The following CLEC4D variants were observed in gnomAD, a reference collection of about 807,000 sequenced individuals.
CLEC4D encodes C-type (calcium dependent, carbohydrate-recognition domain) lectin, superfamily member 8.
A neutral mutation model predicts 21.1 loss-of-function variants in CLEC4D; 21 were observed. The observed-to-expected ratio is 1.00, with a 90% CI of 0.71 to 1.43. The LOEUF (loss-of-function observed/expected upper bound fraction) is 1.43, where lower values mean the gene tolerates loss of function less well. CLEC4D is among the 40% of genes most tolerant of loss of function. The pLI is 0.00. For synonymous variants in CLEC4D, 85 were observed against 83.1 expected (o/e 1.02, Z -0.12); for missense variants, 289 against 260.7 (o/e 1.11, Z -0.75).
rs1200036791 is a variant in CLEC4D at position 8,521,837 on chromosome 12, C to T, written c.*566C>T. On this transcript the variant is annotated 3_prime_UTR_variant, in exon 6 of 6. Transcript: ENST00000299665. Reference sequence around the variant, plus strand: ...TGGAATAGTTCTGAATTATGCTGTTCTACAGATAGAAAAAAAGTCCAAATG... The same window carrying T: ...TGGAATAGTTCTGAATTATGCTGTTTTACAGATAGAAAAAAAGTCCAAATG... 2 of 152,116 alleles carry T rather than the reference C, an allele frequency of 1.3e-5. No homozygotes were observed. Among genetic ancestry groups the T allele is most frequent in the Non-Finnish European group, 2.9e-5 (2 of 68,006 alleles). 9.4% of individuals were successfully genotyped at this position (152,116 alleles called of 1,614,324 possible).
chr12:8,519,131 C>G lies in CLEC4D; in HGVS notation c.355C>G (p.Leu119Val), dbSNP rs758593310. The stretch of plus-strand genomic sequence containing the variant: ...GAACTGTTCAGGGATGGGGGCCCAT[C>G]TGATGACCATCAGCACGGAAGCTGA... ...ERNCSGMGAHLMTISTEAEQN... is the reference protein window; with the variant it reads ...ERNCSGMGAHVMTISTEAEQN... Residue 119 changes from leucine to valine, a missense_variant, in exon 4 of 6, where the codon CTG becomes GTG. Transcript: ENST00000299665. The G allele has an allele frequency of 6.8e-6, 11 of 1,613,930 alleles. No homozygotes were observed. In the South Asian group the frequency reaches 9.9e-5, roughly 14 times the overall value.
At chr12:8,518,074 G>A (rs1940405238) in intron 2 of CLEC4D, 90 bp from the exon 3 acceptor site, 4 of 594,900 alleles carry the variant, frequency 6.7e-6, no homozygotes, top group Admixed American at 2.9e-5. Flanking sequence ...TAATTATTAG[G>A]ATAAGAGAAA....
rs1359556661 is a variant in CLEC4D, at chr12:8,519,061, C to T, written c.285C>T (p.Cys95=). The T allele has an allele frequency of 1.2e-6, 2 of 1,614,068 alleles. No homozygotes were observed. Among genetic ancestry groups the T allele is most frequent in the Non-Finnish European group, 1.7e-6 (2 of 1,180,042 alleles). Residue 95 remains cysteine, a synonymous_variant, in exon 4 of 6, where the codon TGC becomes TGT. Transcript: ENST00000299665. ...PIDWRAFQSN[C]YFPLTDNKTW... ...ACTGGAGAGCCTTCCAGTCCAACTG[C>T]TATTTTCCTCTTACTGACAACAAGA...
intron 1 of CLEC4D, among the ~76,000 whole-genome samples, chr12:8,514,672 A>T (rs944831524): frequency 6.6e-6 from 1 of 152,148 alleles, no homozygotes; most frequent in African/African-American, 2.4e-5. Context: ...AGCCTTGCCA[A>T]CACTGCATGT....
At position 8,513,749 on chromosome 12, in the gene CLEC4D, C is replaced by A; in HGVS notation, c.17C>A (p.Pro6His). The change falls in exon 1 of 6, where the codon CCT (proline) becomes CAT (histidine). Residue 6 changes from proline (P) to histidine (H), a missense_variant. Transcript: ENST00000299665. ...AATTAGACAATGGGGCTAGAAAAAC[C>A]TCAAAGTAAACGTGAGTACTTTCTC... Reference protein sequence around the residue: MGLEKPQSKLEGGMHP... With the variant: MGLEKHQSKLEGGMHP... The A allele has an allele frequency of 8.8e-7, 1 of 1,141,754 alleles. No homozygotes were observed. Among genetic ancestry groups the A allele is most frequent in the Non-Finnish European group, 1.3e-6 (1 of 751,414 alleles). The allele number at this position is 1,141,754 out of a possible 1,614,324, so 70.7% of individuals were successfully genotyped here. A position where few individuals can be genotyped will look rare whatever the true frequency, so the allele number is the denominator to read the frequency against.
the CLEC4D span, among the ~76,000 whole-genome samples, chr12:8,528,195 T>G: frequency 1.3e-5 from 2 of 152,162 alleles, no homozygotes; most frequent in Non-Finnish European, 2.9e-5. Flanking sequence ...CTCCCAGTTA[T>G]AGAATAGTGG....
At chr12:8,518,366 A>G in intron 3 of CLEC4D, 92 bp downstream of exon 3, 1 of 657,492 alleles carries the variant, frequency 1.5e-6, no homozygotes, top group Non-Finnish European at 2.7e-6. Flanking sequence ...ACCAGGAAAG[A>G]TTAAAATAGC....
the CLEC4D span, among the ~76,000 whole-genome samples, chr12:8,528,665 T>G: frequency 6.6e-6 from 1 of 152,150 alleles, no homozygotes; most frequent in Non-Finnish European, 1.5e-5. Flanking sequence ...TTTTCATTTT[T>G]GAAACAGTAA....
the CLEC4D span, among the ~76,000 whole-genome samples, chr12:8,529,515 C>T: frequency 6.6e-6 from 1 of 151,724 alleles, no homozygotes; most frequent in Admixed American, 6.6e-5. Context: ...CTTGGGAAGC[C>T]GATATGGGAG....
chr12:8,523,930 G>A (rs1459615393), downstream of CLEC4D, among the ~76,000 whole-genome samples: 1 of 152,116 alleles, frequency 6.6e-6, no homozygotes, highest in African/African-American at 2.4e-5. Context: ...TTTCATCAAA[G>A]GCCTTTTCTG....
At chr12:8,515,108 ATATT>A (rs1273999425) in intron 1 of CLEC4D, 124 bp from the exon 2 acceptor site, 16 of 525,976 alleles carry the variant, frequency 3.0e-5, no homozygotes, top group Non-Finnish European at 6.9e-6. Context: ...TTTGGAGAAA[ATATT>A]TATGCTCTTC....
intron 5 of CLEC4D, 113 bp downstream of exon 5, chr12:8,520,454 C>A: frequency 7.0e-7 from 1 of 1,429,260 alleles, no homozygotes; most frequent in Non-Finnish European, 9.2e-7. Context: ...AGAGAGACCA[C>A]TGTAGGTTGA....
At chr12:8,523,911 G>A (rs371471921), downstream of CLEC4D, among the ~76,000 whole-genome samples, 1 of 152,126 alleles carries the variant, frequency 6.6e-6, no homozygotes, top group Admixed American at 6.6e-5. Context: ...AACATGAAAG[G>A]ATGTTTAATT....
chr12:8,513,812 A>C, intron 1 of CLEC4D, 52 bp downstream of exon 1: 1 of 831,430 alleles, frequency 1.2e-6, no homozygotes, highest in Non-Finnish European at 2.1e-6. Flanking sequence ...AATTATACTA[A>C]TTTAAAACAT....
rs1940467714 is a variant in CLEC4D at position 8,522,271 on chromosome 12, TGA to T, written c.*1001_*1002del. ...TGAACTAGCAAGGAAGTTATTGTTT[TGA>T]CAACCAGAAATTATGCTTTTCTGGT... On this transcript the variant is annotated 3_prime_UTR_variant, in exon 6 of 6. Transcript: ENST00000299665. 1 of 152,176 alleles carries T rather than the reference TGA, an allele frequency of 6.6e-6. No individual in the cohort carries two copies. Among genetic ancestry groups the T allele is most frequent in the Non-Finnish European group, 1.5e-5 (1 of 68,002 alleles). 9.4% of individuals were successfully genotyped at this position (152,176 alleles called of 1,614,324 possible).
At chr12:8,524,289 T>C (rs1940490116), downstream of CLEC4D, among the ~76,000 whole-genome samples, 1 of 152,172 alleles carries the variant, frequency 6.6e-6, no homozygotes, top group Non-Finnish European at 1.5e-5. Flanking sequence ...TTCTTCTTTG[T>C]ATTTCTGGTA....
intron 4 of CLEC4D, among the ~76,000 whole-genome samples, chr12:8,520,015 G>T (rs949006188): frequency 1.3e-5 from 2 of 152,202 alleles, no homozygotes; most frequent in South Asian, 2.1e-4. Context: ...CTATAAAGTA[G>T]TGGAGTTGTC....
rs1940460303 is a variant in CLEC4D, at chr12:8,521,567, G to C, written c.*296G>C. The C allele has an allele frequency of 3.8e-6, 1 of 263,834 alleles. No individual in the cohort carries two copies. The highest frequency in any genetic ancestry group is 9.5e-5 in the East Asian group (1 of 10,528). The allele number at this position is 263,834 out of a possible 1,614,324, so 16.3% of individuals were successfully genotyped here. A position where few individuals can be genotyped will look rare whatever the true frequency, so the allele number is the denominator to read the frequency against. The stretch of plus-strand genomic sequence containing the variant: ...TTCAATTGGTGTGCACTGAATGCAT[G>C]TATGGAAGAATAGCGTGAATAATGC... On this transcript the variant is annotated 3_prime_UTR_variant, in exon 6 of 6. Transcript: ENST00000299665.
rs772960836 is a variant in CLEC4D at position 8,521,160 on chromosome 12, A to T, written c.537A>T (p.Gly179=). The change falls in exon 6 of 6, where the codon GGA becomes GGT. Residue 179 remains glycine, a synonymous_variant. Transcript: ENST00000299665. ...WHKNEPDNSQ[G]ENCVVLVYNQ... Reference sequence around the variant, plus strand: ...AGAATGAACCCGACAACTCTCAGGGAGAAAACTGTGTTGTTCTTGTTTATA... The same window carrying T: ...AGAATGAACCCGACAACTCTCAGGGTGAAAACTGTGTTGTTCTTGTTTATA... The T allele has an allele frequency of 3.1e-6, 5 of 1,613,458 alleles. No individual in the cohort carries two copies. In the African/African-American group the frequency reaches 5.3e-5, roughly 17 times the overall value.
Sources: gnomAD v4.1 joint callset for allele counts (sites outside exome capture counted in the v4.1 genomes callset) on GRCh38, gnomAD v4.1.1 for gene constraint, MANE v1.5 for transcripts, NCBI Gene and HGNC (gene_info 2026-07-23, HGNC 2026-07-21) for gene names.